The following DIP2C variants were observed in gnomAD, a reference collection of about 807,000 sequenced individuals.
DIP2C encodes disco-interacting protein 2 homolog C.
A neutral mutation model predicts 192.4 loss-of-function variants in DIP2C; 33 were observed. That is an observed-to-expected ratio of 0.17 (90% confidence interval 0.13 to 0.23). DIP2C has a LOEUF of 0.23. Among genes scored for constraint, DIP2C ranks in the 10% least tolerant of loss-of-function variants. The pLI is 1.00. For synonymous variants in DIP2C, 979 were observed against 864.1 expected, an observed-to-expected ratio of 1.13 and a Z score of -2.33; for missense variants, 1,537 against 2,110.1, an observed-to-expected ratio of 0.73 and a Z score of 5.32.
At chr10:447,915 AT>A (rs1968418657) in intron 3 of DIP2C, among the ~76,000 whole-genome samples, 1 of 118,762 alleles carries the variant, frequency 8.4e-6, no homozygotes, top group Non-Finnish European at 1.6e-5. Flanking sequence ...GGACCCACTC[AT>A]CCCTGTCTAT....
chr10:456,409 C>T (rs1969300984), intron 3 of DIP2C, among the ~76,000 whole-genome samples: 2 of 125,796 alleles, frequency 1.6e-5, no homozygotes, highest in South Asian at 4.6e-4. Flanking sequence ...TGAGGGGAGG[C>T]TGTGAGGAGT....
chr10:522,815 C>A (rs904967144), intron 1 of DIP2C, among the ~76,000 whole-genome samples: 1 of 152,218 alleles, frequency 6.6e-6, no homozygotes, highest in African/African-American at 2.4e-5. Flanking sequence ...ACGTTCTCCC[C>A]GTCTGCGTGG....
chr10:597,893 C>G (rs1293597714), intron 1 of DIP2C, among the ~76,000 whole-genome samples: 1 of 152,168 alleles, frequency 6.6e-6, no homozygotes, highest in Non-Finnish European at 1.5e-5. Context: ...ACCAGGAGGT[C>G]TGAACGTGGA....
chr10:445,256 T>G (rs1470188577), intron 3 of DIP2C, among the ~76,000 whole-genome samples: 1 of 149,150 alleles, frequency 6.7e-6, no homozygotes, highest in Admixed American at 6.7e-5. Flanking sequence ...TCATGGCCCA[T>G]GGGGCATCTG....
At chr10:376,068 T>C (rs1255069762) in intron 17 of DIP2C, among the ~76,000 whole-genome samples, 2 of 152,210 alleles carry the variant, frequency 1.3e-5, no homozygotes, top group African/African-American at 4.8e-5. Context: ...GAATTCTTAC[T>C]ATGTACCAGG....
At chr10:405,033 A>G (rs1964702742) in intron 9 of DIP2C, among the ~76,000 whole-genome samples, 1 of 152,258 alleles carries the variant, frequency 6.6e-6, no homozygotes, top group Non-Finnish European at 1.5e-5. Flanking sequence ...AGGAAACGTT[A>G]GAAAATTCAG....
chr10:401,175 G>C (rs1419376925), intron 9 of DIP2C, among the ~76,000 whole-genome samples: 2 of 141,986 alleles, frequency 1.4e-5, no homozygotes, highest in African/African-American at 2.6e-5. Flanking sequence ...CATGAATCCT[G>C]TGATTTTACA....
intron 3 of DIP2C, among the ~76,000 whole-genome samples, chr10:457,841 C>A (rs919908770): frequency 1.7e-4 from 26 of 152,308 alleles, no homozygotes; most frequent in African/African-American, 5.5e-4. Flanking sequence ...AGGCGTGAGC[C>A]ACTGCACCTG....
At chr10:641,633 C>G (rs1855203864) in intron 1 of DIP2C, 1 of 154,122 alleles carries the variant, frequency 6.5e-6, no homozygotes, top group South Asian at 2.0e-4. Flanking sequence ...GCCAGGCTAC[C>G]CATGAGGAAA....
At chr10:331,673 T>G (rs1328747369) in intron 29 of DIP2C, among the ~76,000 whole-genome samples, 1 of 152,222 alleles carries the variant, frequency 6.6e-6, no homozygotes, top group Non-Finnish European at 1.5e-5. Flanking sequence ...TATCAGGGAC[T>G]TGAGCATCCT....
intron 1 of DIP2C, among the ~76,000 whole-genome samples, chr10:566,481 A>G (rs2131496988): frequency 6.6e-6 from 1 of 152,306 alleles, no homozygotes; most frequent in African/African-American, 2.4e-5. Flanking sequence ...GCACAGACAC[A>G]CCGCACACTG....
intron 1 of DIP2C, among the ~76,000 whole-genome samples, chr10:615,414 T>C (rs1254936638): frequency 6.6e-6 from 1 of 151,984 alleles, no homozygotes; most frequent in Non-Finnish European, 1.5e-5. Flanking sequence ...GACTATGAGG[T>C]CTGGCTTCCT....
At chr10:330,632 G>T (rs1298807563) in intron 29 of DIP2C, among the ~76,000 whole-genome samples, 1 of 149,130 alleles carries the variant, frequency 6.7e-6, no homozygotes, top group East Asian at 2.0e-4. Context: ...AGGACCACAG[G>T]TGTGCACCAC....
intron 32 of DIP2C, among the ~76,000 whole-genome samples, chr10:304,528 T>G (rs1042673798): frequency 1.3e-5 from 2 of 149,064 alleles, no homozygotes; most frequent in African/African-American, 5.0e-5. Context: ...ATCCTTCTCA[T>G]GTACACATGT....
At chr10:444,983 A>G (rs1023222059) in intron 3 of DIP2C, among the ~76,000 whole-genome samples, 2 of 152,232 alleles carry the variant, frequency 1.3e-5, no homozygotes, top group South Asian at 2.1e-4. Context: ...TACACATTTT[A>G]AAGAAACTGC....
At chr10:389,687 C>T (rs151198044) in intron 13 of DIP2C, among the ~76,000 whole-genome samples, 44 of 152,326 alleles carry the variant, frequency 2.9e-4, no homozygotes, top group South Asian at 1.0e-3. Context: ...TTCCTAACTG[C>T]ACATCTTCTC....
chr10:324,428 G>C (rs2132423374), intron 31 of DIP2C, among the ~76,000 whole-genome samples: 1 of 152,316 alleles, frequency 6.6e-6, no homozygotes. Flanking sequence ...CAAAGATTCT[G>C]GGAAGGGGAG....
Position 356,417 on chromosome 10 carries a change from G to T in DIP2C, c.2985+9C>A. On this transcript the variant is annotated intron_variant, in intron 24 of 36. Coordinates refer to ENST00000280886, the MANE Select transcript of DIP2C (RefSeq NM_014974.3). ...CCAGTAGCCAGGGAAGGCCAGCTCC[G>T]CGCCTCACCCGACAGTTGAGCAGCG... 1 of 1,610,558 alleles carries T rather than the reference G, an allele frequency of 6.2e-7. No individual in the cohort carries two copies.
At chr10:453,934 T>C (rs1969067885) in intron 3 of DIP2C, among the ~76,000 whole-genome samples, 1 of 152,224 alleles carries the variant, frequency 6.6e-6, no homozygotes. Flanking sequence ...CTAGAGCCTC[T>C]GTGCACAGCC....
Sources: gnomAD v4.1 joint callset for allele counts (sites outside exome capture counted in the v4.1 genomes callset) on GRCh38, gnomAD v4.1.1 for gene constraint, MANE v1.5 for transcripts, NCBI Gene and HGNC (gene_info 2026-07-23, HGNC 2026-07-21) for gene names.